Variants in POLDIP3 observed in about 807,000 individuals in gnomAD.
POLDIP3 encodes the protein polymerase delta-interacting protein 3.
POLDIP3 carries 14 observed loss-of-function variants against 45.1 expected under a neutral mutation model. The ratio of observed to expected loss-of-function variants is 0.31; its 90% CI spans 0.20 to 0.49. The LOEUF is 0.49. Ranked by LOEUF, POLDIP3 falls within the 20% of genes least tolerant of loss-of-function variation. The probability of loss-of-function intolerance (pLI) is 0.99; values close to 1 mark genes in which losing one functional copy is unlikely to be tolerated. For synonymous variants in POLDIP3, 223 were observed against 205.2 expected, an observed-to-expected ratio of 1.09 and a Z score of -0.74; for missense variants, 511 against 538.8, an observed-to-expected ratio of 0.95 and a Z score of 0.51.
At position 42,584,981 on chromosome 22, in the gene POLDIP3, T is replaced by C; in HGVS notation, c.*810A>G. The C allele has an allele frequency of 2.2e-6, 1 of 456,220 alleles. No individual in the cohort carries two copies. Among genetic ancestry groups the C allele is most frequent in the Non-Finnish European group, 4.4e-6 (1 of 226,952 alleles). 28.3% of individuals were successfully genotyped at this position (456,220 alleles called of 1,614,324 possible). On this transcript the variant is annotated 3_prime_UTR_variant, in exon 9 of 9. Coordinates refer to ENST00000252115, the MANE Select transcript of POLDIP3 (RefSeq NM_032311.5). ...CTGGCGGCTACACAAAACCAGGGTG[T>C]GGTTAAGTGCCAGGCGAGGTGAGAA...
At chr22:42,610,524 A>G (rs1927055922) in intron 1 of POLDIP3, among the ~76,000 whole-genome samples, 1 of 152,206 alleles carries the variant, frequency 6.6e-6, no homozygotes, top group African/African-American at 2.4e-5. Context: ...GGCAGCTGAC[A>G]GAAAGCTATC....
Position 42,585,254 on chromosome 22 carries a change from C to A in POLDIP3, c.*537G>T, listed in dbSNP as rs781559135. The stretch of plus-strand genomic sequence containing the variant: ...TGGGGAGAGGACAAGAGGCCTGAGA[C>A]CTGCTCCCCACCCAGGCACCTCCAC... On this transcript the variant is annotated 3_prime_UTR_variant, in exon 9 of 9. Coordinates refer to ENST00000252115, the MANE Select transcript of POLDIP3 (RefSeq NM_032311.5). The A allele has an allele frequency of 1.7e-5, 9 of 516,158 alleles. No homozygotes were observed. The highest frequency in any genetic ancestry group is 3.9e-6 in the Non-Finnish European group (1 of 258,820). The allele number at this position is 516,158 out of a possible 1,614,324, so 32.0% of individuals were successfully genotyped here. A position where few individuals can be genotyped will look rare whatever the true frequency, so the allele number is the denominator to read the frequency against.
Position 42,597,463 on chromosome 22 carries a change from C to A in POLDIP3, c.634-1098G>T, listed in dbSNP as rs533860720. 2.3e-3 allele frequency among the ~76,000 whole-genome samples: 346 copies of A among 152,280 alleles called. 4 individuals are homozygous for A. Among genetic ancestry groups the A allele is most frequent in the African/African-American group, 8.0e-3 (334 of 41,552 alleles). On this transcript the variant is annotated intron_variant, in intron 4 of 8. Coordinates refer to ENST00000252115, the MANE Select transcript of POLDIP3 (RefSeq NM_032311.5). ...GACAGCACAGTGACTCCACACAGGG[C>A]CCTGAGAGCGAGACTGCTCGGGCTC...
At chr22:42,609,547 G>A (rs1328779655) in intron 1 of POLDIP3, among the ~76,000 whole-genome samples, 1 of 152,142 alleles carries the variant, frequency 6.6e-6, no homozygotes. Context: ...AGCCCATTCT[G>A]GACAGATGTC....
At chr22:42,612,991 G>A (rs1411146237) in intron 1 of POLDIP3, among the ~76,000 whole-genome samples, 9 of 152,118 alleles carry the variant, frequency 5.9e-5, no homozygotes, top group Admixed American at 3.3e-4. Context: ...TGTTCCTGTG[G>A]ATCCACACAT....
chr22:42,598,085 T>C (rs1926107981), intron 4 of POLDIP3, among the ~76,000 whole-genome samples: 1 of 149,860 alleles, frequency 6.7e-6, no homozygotes, highest in South Asian at 2.1e-4. Context: ...GCCAGCTTCA[T>C]GTTTCTTTTT....
intron 6 of POLDIP3, among the ~76,000 whole-genome samples, chr22:42,592,778 G>A (rs1321786623): frequency 6.6e-6 from 1 of 151,822 alleles, no homozygotes. Context: ...ACACATCATT[G>A]AGTCCGATCT....
rs770953540 is a variant in POLDIP3, at chr22:42,602,897, G to A, written c.323C>T (p.Pro108Leu). 1.9e-6 allele frequency: 3 copies of A among 1,613,992 alleles called. No homozygotes were observed. Among genetic ancestry groups the A allele is most frequent in the Admixed American group, 1.7e-5 (1 of 60,012 alleles). The change falls in exon 2 of 9, where the codon CCC (proline) becomes CTC (leucine). Residue 108 changes from proline (P) to leucine (L), a missense_variant. Around this residue, in one of 4 missense-constraint regions of POLDIP3, gnomAD observed 378 missense variants for 352.3 expected, o/e 1.07. Transcript: ENST00000252115. The part of the protein sequence containing the change: ...LNSRKQQTTV[P>L]QKPRQVADAR... ...ATCAGCAACCTGGCGGGGCTTCTGG[G>A]GCACCGTGGTCTGCTGCTTGCGAGA...
Position 42,603,140 on chromosome 22 carries a change from A to T in POLDIP3, c.80T>A (p.Val27Asp). Residue 27 changes from valine to aspartate, a missense_variant, in exon 2 of 9, where the codon GTT becomes GAT. Physicochemically the swap from Val to Asp is radical, Grantham distance 152. Transcript: ENST00000252115. ...CCCAACTCGAGATCGGACACCTCCAACTCCCGGTCTGGCATTAAGCCTGTA... is the reference window on the plus strand; with the variant it reads ...CCCAACTCGAGATCGGACACCTCCATCTCCCGGTCTGGCATTAAGCCTGTA... ...AKGRLNARPGVGGVRSRVGIQ... is the reference protein window; with the variant it reads ...AKGRLNARPGDGGVRSRVGIQ... 2.5e-6 allele frequency: 4 copies of T among 1,613,834 alleles called. No homozygotes were observed. In the South Asian group the frequency reaches 4.4e-5, roughly 18 times the overall value.
rs554481975 is a variant in POLDIP3, at chr22:42,589,596, G to A, written c.1022-2024C>T. On this transcript the variant is annotated intron_variant, in intron 7 of 8. Transcript: ENST00000252115. ...AAGCCCAGGTGGACGGATCACTTGAGGTCAGGACTTCAAAACCAGCCTGGC... is the reference window on the plus strand; with the variant it reads ...AAGCCCAGGTGGACGGATCACTTGAAGTCAGGACTTCAAAACCAGCCTGGC... Among the ~76,000 whole-genome samples the A allele has an allele frequency of 6.6e-5, 10 of 151,970 alleles. No homozygotes were observed. The South Asian group carries it at 2.1e-3, about 32-fold the overall frequency.
intron 4 of POLDIP3, among the ~76,000 whole-genome samples, chr22:42,598,385 G>A (rs1187702245): frequency 6.6e-6 from 1 of 151,838 alleles, no homozygotes; most frequent in African/African-American, 2.4e-5. Flanking sequence ...AGAGTAGCTG[G>A]GACTACAGGC....
chr22:42,613,009 C>T (rs1420413306), intron 1 of POLDIP3, among the ~76,000 whole-genome samples: 2 of 152,124 alleles, frequency 1.3e-5, no homozygotes, highest in Non-Finnish European at 2.9e-5. Context: ...CATAACCACC[C>T]CCCATTCCTG....
At chr22:42,590,627 A>C (rs1179746257) in intron 7 of POLDIP3, among the ~76,000 whole-genome samples, 1 of 152,226 alleles carries the variant, frequency 6.6e-6, no homozygotes, top group African/African-American at 2.4e-5. Flanking sequence ...AAGTCCTTAT[A>C]CTGCATATGA....
At chr22:42,599,282 CCAAA>C (rs1926195127) in intron 4 of POLDIP3, among the ~76,000 whole-genome samples, 1 of 152,170 alleles carries the variant, frequency 6.6e-6, no homozygotes, top group Non-Finnish European at 1.5e-5. Flanking sequence ...ATCTTACGGC[CCAAA>C]CAAAGAAATA....
intron 6 of POLDIP3, 78 bp from the exon 7 acceptor site, chr22:42,592,162 G>A: frequency 6.3e-7 from 1 of 1,585,190 alleles, no homozygotes; most frequent in Non-Finnish European, 8.6e-7. Context: ...AGGCCCTGGG[G>A]TGTGGTGGTT....
In POLDIP3 at chr22:42,614,879, A is replaced by G; in HGVS notation, c.-22T>C. 1.2e-6 allele frequency: 2 copies of G among 1,613,826 alleles called. No individual in the cohort carries two copies. Among genetic ancestry groups the G allele is most frequent in the South Asian group, 1.1e-5 (1 of 91,082 alleles). On this transcript the variant is annotated 5_prime_UTR_variant, in exon 1 of 9. Transcript: ENST00000252115. ...CCATCTTGCTCCGCCGAGCAAGCCG[A>G]AAGCAGTCGAGACCCCGCGAGCCCG...
intron 1 of POLDIP3, chr22:42,603,495 C>A: frequency 3.9e-6 from 1 of 258,732 alleles, no homozygotes; most frequent in South Asian, 5.5e-5. Flanking sequence ...TAAACATCCA[C>A]CAAATCTAAT....
intron 8 of POLDIP3, among the ~76,000 whole-genome samples, chr22:42,586,190 G>C (rs552425298): frequency 2.0e-4 from 31 of 152,186 alleles, no homozygotes; most frequent in Non-Finnish European, 3.7e-4. Context: ...TAAGGAGCTA[G>C]GACTACAGGC....
chr22:42,608,049 T>C (rs1471624683), intron 1 of POLDIP3, among the ~76,000 whole-genome samples: 6 of 152,208 alleles, frequency 3.9e-5, no homozygotes, highest in Non-Finnish European at 8.8e-5. Context: ...CGCCACCCCG[T>C]CTGGGAGGTG....
Sources: gnomAD v4.1 joint callset for allele counts (sites outside exome capture counted in the v4.1 genomes callset) on GRCh38, gnomAD v4.1.1 for gene constraint, gnomAD v4.1.1 regional missense constraint, MANE v1.5 for transcripts, NCBI Gene and HGNC (gene_info 2026-07-23, HGNC 2026-07-21) for gene names.